Variants in ZFY observed in about 807,000 individuals in gnomAD.
The protein encoded by ZFY is zinc finger protein Y-linked.
For missense variants in ZFY, 113 were observed against 170.9 expected (o/e 0.66, Z 1.89); for synonymous variants, 47 against 55.8 (o/e 0.84, Z 0.71).
intron 2 of ZFY, among the ~76,000 whole-genome samples, chrY:2,959,189 A>T: frequency 3.0e-5 from 1 of 33,753 alleles, no homozygotes; most frequent in Non-Finnish European, 7.3e-5. Flanking sequence ...TTGAAGGGCT[A>T]TTGCATTTTA....
At position 2,941,964 on chromosome Y, in the gene ZFY, A is replaced by G. The variant is rs200669355; in HGVS notation, c.-29+6195A>G. The stretch of plus-strand genomic sequence containing the variant: ...TGTGTGTGTGTGTGTGTGTGTGTGT[A>G]TATCTCTGTTTCCTGTGCTGGAGTG... On this transcript the variant is annotated intron_variant, in intron 1 of 7. Transcript: ENST00000155093. Among the ~76,000 whole-genome samples the G allele has an allele frequency of 2.5e-3, 76 of 29,947 alleles. No individual in the cohort carries two copies. The East Asian group carries it at 0.05, about 20-fold the overall frequency. The allele number at this position is 29,947 out of a possible 37,273, so 80.3% of individuals were successfully genotyped here.
At chrY:2,943,620 G>A (rs2051252579) in intron 1 of ZFY, among the ~76,000 whole-genome samples, 2 of 33,764 alleles carry the variant, frequency 5.9e-5, no homozygotes, top group South Asian at 1.3e-3. Flanking sequence ...GGTTTGATTG[G>A]CCCTTGGTTC....
rs1476674181 is a variant in ZFY, at chrY:2,979,045, T to G, written c.1458T>G (p.Cys486Trp). 2 of 398,950 alleles carry G rather than the reference T, an allele frequency of 5.0e-6. No individual in the cohort carries two copies. The highest frequency in any genetic ancestry group is 7.0e-6 in the Non-Finnish European group (2 of 283,735). Reference protein sequence around the residue: ...LTSKAEKAIECDECGKHFSHA... With the variant: ...LTSKAEKAIEWDECGKHFSHA... ...GCAAGGCAGAGAAGGCCATTGAATG[T>G]GATGAGTGTGGGAAGCATTTTTCTC... Residue 486 changes from cysteine (C) to tryptophan (W), a missense_variant, in exon 8 of 8, where the codon TGT (cysteine) becomes TGG (tryptophan). Coordinates refer to ENST00000155093, the MANE Select transcript of ZFY (RefSeq NM_003411.4).
chrY:2,948,958 C>G (rs2051270360), intron 1 of ZFY, among the ~76,000 whole-genome samples: 1 of 32,799 alleles, frequency 3.0e-5, no homozygotes, highest in East Asian at 7.9e-4. Flanking sequence ...AAGCCATTCT[C>G]TCTCCTCATC....
chrY:2,941,934 CTGTGTGTGTGTGTG>C (rs376986249), intron 1 of ZFY, among the ~76,000 whole-genome samples: 1 of 27,435 alleles, frequency 3.6e-5, no homozygotes, highest in Non-Finnish European at 8.8e-5. Flanking sequence ...CCAATATAAA[CTGTGTGTGTGTGTG>C]TGTGTGTGTG....
intron 1 of ZFY, among the ~76,000 whole-genome samples, chrY:2,948,827 T>G (rs2051269962): frequency 3.0e-5 from 1 of 33,775 alleles, no homozygotes; most frequent in Non-Finnish European, 7.3e-5. Context: ...AAAAAACACA[T>G]TGGATATAAA....
intron 2 of ZFY, among the ~76,000 whole-genome samples, chrY:2,955,569 G>A: frequency 5.8e-5 from 2 of 34,231 alleles, no homozygotes; most frequent in African/African-American, 2.3e-4. Flanking sequence ...CTGTGGCTCC[G>A]CCCTTTGAGT....
At chrY:2,976,432 T>C (rs1396451757) in intron 5 of ZFY, among the ~76,000 whole-genome samples, 34 of 32,721 alleles carry the variant, frequency 1.0e-3, no homozygotes, top group Non-Finnish European at 2.0e-3. Context: ...TTTTTTTTAA[T>C]GTAACCAATA....
rs2267802 is a variant in ZFY, at chrY:2,960,384, A to G, written c.62-690A>G. Among the ~76,000 whole-genome samples, 52 of 31,590 alleles carry G rather than the reference A, an allele frequency of 1.6e-3. No individual in the cohort carries two copies. The East Asian group carries it at 0.041, about 25-fold the overall frequency. The allele number at this position is 31,590 out of a possible 37,273, so 84.8% of individuals were successfully genotyped here. On this transcript the variant is annotated intron_variant, in intron 2 of 7. Coordinates refer to ENST00000155093, the MANE Select transcript of ZFY (RefSeq NM_003411.4). ...ATTTTATCTATCTATAGAAACCTCTAAACCTAATGTCTTTCCTCTTTTTAT... is the reference window on the plus strand; with the variant it reads ...ATTTTATCTATCTATAGAAACCTCTGAACCTAATGTCTTTCCTCTTTTTAT...
rs2051311412 is a variant in ZFY at position 2,961,553 on chromosome Y, T to C, written c.541T>C (p.Cys181Arg). 2.5e-6 allele frequency: 1 copy of C among 397,044 alleles called. No individual in the cohort carries two copies. Among genetic ancestry groups the C allele is most frequent in the Non-Finnish European group, 3.5e-6 (1 of 283,304 alleles). The change falls in exon 3 of 8, where the codon TGT becomes CGT. Residue 181 changes from cysteine to arginine, a missense_variant. Physicochemically the swap from Cys to Arg is radical, Grantham distance 180. Coordinates refer to ENST00000155093, the MANE Select transcript of ZFY (RefSeq NM_003411.4). Reference protein sequence around the residue: ...IVSEEVLVADCAPEAVIDASG... With the variant: ...IVSEEVLVADRAPEAVIDASG... ...TTCAGAAGAAGTATTGGTAGCAGAC[T>C]GTGCCCCTGAAGCAGTCATAGATGC...
Position 2,975,089 on chromosome Y carries a change from T to C in ZFY, c.635-6T>C. 2.5e-6 allele frequency: 1 copy of C among 398,280 alleles called. No individual in the cohort carries two copies. Among genetic ancestry groups the C allele is most frequent in the Non-Finnish European group, 3.5e-6 (1 of 283,056 alleles). ...ATGGTTGATGATATATTTTCTGCCT[T>C]TTCAGTGGATGATGCTGGCAAAATA... On this transcript the variant is annotated splice_region_variant and splice_polypyrimidine_tract_variant and intron_variant, in intron 3 of 7. Coordinates refer to ENST00000155093, the MANE Select transcript of ZFY (RefSeq NM_003411.4).
At chrY:2,975,993 T>G (rs2051367875) in intron 5 of ZFY, among the ~76,000 whole-genome samples, 1 of 33,038 alleles carries the variant, frequency 3.0e-5, no homozygotes, top group Non-Finnish European at 7.5e-5. Flanking sequence ...TTCATCCATG[T>G]CCCTGCAAAG....
At chrY:2,972,781 G>A in intron 3 of ZFY, among the ~76,000 whole-genome samples, 1 of 33,406 alleles carries the variant, frequency 3.0e-5, no homozygotes, top group Non-Finnish European at 7.4e-5. Context: ...GAGGTTGATG[G>A]TGGTTTCTTG....
chrY:2,946,968 G>A, intron 1 of ZFY, among the ~76,000 whole-genome samples: 3 of 33,021 alleles, frequency 9.1e-5, no homozygotes, highest in African/African-American at 3.5e-4. Flanking sequence ...CCAAGATTGC[G>A]CCTGCGCCAG....
chrY:2,968,515 G>A (rs2051337492), intron 3 of ZFY, among the ~76,000 whole-genome samples: 1 of 31,016 alleles, frequency 3.2e-5, no homozygotes, highest in Non-Finnish European at 7.7e-5. Flanking sequence ...GGGTTTCACC[G>A]TGTTAGCCAG....
chrY:2,958,480 C>T, intron 2 of ZFY, among the ~76,000 whole-genome samples: 1 of 33,083 alleles, frequency 3.0e-5, no homozygotes, highest in Admixed American at 2.7e-4. Flanking sequence ...TATTCAGTCC[C>T]GAAAAACATG....
In ZFY at chrY:2,935,621, T is replaced by G; in HGVS notation, c.-177T>G. On this transcript the variant is annotated 5_prime_UTR_variant, in exon 1 of 8. Coordinates refer to ENST00000155093, the MANE Select transcript of ZFY (RefSeq NM_003411.4). ...AGGCCTAGTGATTATCCAGTTGCCC[T>G]GAGCGGCTGCGGAGGTGCGCTCCAT... is the stretch of plus-strand genomic sequence containing the variant. 2.8e-5 allele frequency: 1 copy of G among 35,619 alleles called. No homozygotes were observed. Among genetic ancestry groups the G allele is most frequent in the Admixed American group, 2.5e-4 (1 of 4,068 alleles). The allele number at this position is 35,619 out of a possible 400,897, so 8.9% of individuals were successfully genotyped here.
intron 3 of ZFY, among the ~76,000 whole-genome samples, chrY:2,974,299 A>G: frequency 3.2e-5 from 1 of 31,615 alleles, no homozygotes. Flanking sequence ...TTCCTGCCTC[A>G]GCCTCCTGAG....
chrY:2,954,637 T>A, intron 2 of ZFY, among the ~76,000 whole-genome samples: 2 of 29,832 alleles, frequency 6.7e-5, no homozygotes, highest in Non-Finnish European at 1.6e-4. Flanking sequence ...TTAAAGGCTG[T>A]GGTGAGCTAT....
Sources: gnomAD v4.1 joint callset for allele counts (sites outside exome capture counted in the v4.1 genomes callset) on GRCh38, gnomAD v4.1.1 for gene constraint, MANE v1.5 for transcripts, NCBI Gene and HGNC (gene_info 2026-07-23, HGNC 2026-07-21) for gene names.